IZUMO4: variants seen among roughly 807,000 people sequenced by gnomAD.
The protein encoded by IZUMO4 is IZUMO family member 4.
A neutral mutation model predicts 37.1 loss-of-function variants in IZUMO4; 51 were observed. The ratio of observed to expected loss-of-function variants is 1.38; its 90% CI spans 1.10 to 1.74. The LOEUF (loss-of-function observed/expected upper bound fraction) is 1.74, where lower values mean the gene tolerates loss of function less well. Among genes scored for constraint, IZUMO4 ranks in the 40% most tolerant of loss-of-function variants. The pLI is 0.00. For synonymous variants in IZUMO4, 162 were observed against 121.4 expected (o/e 1.33, Z -2.20); for missense variants, 364 against 299.6 (o/e 1.21, Z -1.59).
rs2017858374 is a variant in IZUMO4, at chr19:2,099,503, A to G, written c.*158A>G. ...GGGCCAGGAGGGCGGGAGGGAGGGA[A>G]TGGGGGTGGGCTGTGCGCAGCATCA... On this transcript the variant is annotated 3_prime_UTR_variant, in exon 10 of 10. Coordinates refer to ENST00000395301, the MANE Select transcript of IZUMO4 (RefSeq NM_001039846.2). 1 of 575,134 alleles carries G rather than the reference A, an allele frequency of 1.7e-6. No individual in the cohort carries two copies. The highest frequency in any genetic ancestry group is 4.8e-4 in the Middle Eastern group (1 of 2,068). 35.6% of individuals were successfully genotyped at this position (575,134 alleles called of 1,614,324 possible). A position where few individuals can be genotyped will look rare whatever the true frequency, so the allele number is the denominator to read the frequency against.
rs1213529373 is a variant in IZUMO4 at position 2,099,294 on chromosome 19, C to G, written c.648C>G (p.His216Gln). ...SPALRCLEPP[H>Q]LANLTLEDAA... ...CCTTAAGGTGTCTGGAGCCCCCACACTTGGCCAACCTGACCTTGGAAGATG... is the reference window on the plus strand; with the variant it reads ...CCTTAAGGTGTCTGGAGCCCCCACAGTTGGCCAACCTGACCTTGGAAGATG... Residue 216 changes from histidine to glutamine, a missense_variant, in exon 10 of 10, where the codon CAC becomes CAG. Coordinates refer to ENST00000395301, the MANE Select transcript of IZUMO4 (RefSeq NM_001039846.2). 1.9e-6 allele frequency: 3 copies of G among 1,613,602 alleles called. No homozygotes were observed. The highest frequency in any genetic ancestry group is 2.5e-6 in the Non-Finnish European group (3 of 1,179,956).
At chr19:2,097,632 G>T in intron 3 of IZUMO4, 137 bp downstream of exon 3, 1 of 844,400 alleles carries the variant, frequency 1.2e-6, no homozygotes. Context: ...CTCCAGGGAG[G>T]GACCCAGCCT....
chr19:2,097,189 C>T, intron 1 of IZUMO4, 27 bp downstream of exon 1: 2 of 1,605,570 alleles, frequency 1.2e-6, no homozygotes, highest in Non-Finnish European at 1.7e-6. Context: ...AGCCCAGTCC[C>T]GACTACCCCG....
At position 2,097,914 on chromosome 19, in the gene IZUMO4, C is replaced by T. The variant is rs200728789; in HGVS notation, c.371-15C>T. ...GCTGGGCCTGGTAAGATGGCGCTGTCCTGCCCTCCCACAGGCCGCATCGAC... is the reference window on the plus strand; with the variant it reads ...GCTGGGCCTGGTAAGATGGCGCTGTTCTGCCCTCCCACAGGCCGCATCGAC... On this transcript the variant is annotated splice_polypyrimidine_tract_variant and intron_variant, in intron 3 of 9. Coordinates refer to ENST00000395301, the MANE Select transcript of IZUMO4 (RefSeq NM_001039846.2). The T allele has an allele frequency of 6.2e-7, 1 of 1,612,900 alleles. No individual in the cohort carries two copies. The highest frequency in any genetic ancestry group is 2.2e-5 in the East Asian group (1 of 44,884).
chr19:2,097,358 G>GCCCCCCCACCCCCGGACAC, intron 2 of IZUMO4, 26 bp downstream of exon 2: 1 of 1,602,918 alleles, frequency 6.2e-7, no homozygotes, highest in Non-Finnish European at 8.5e-7. Flanking sequence ...CCGAGGCGGG[G>GCCCCCCCACCCCCGGACAC]CCCCCCCACC....
intron 9 of IZUMO4, 22 bp downstream of exon 9, chr19:2,099,051 G>A (rs2017823674): frequency 1.9e-6 from 3 of 1,609,964 alleles, no homozygotes; most frequent in African/African-American, 1.3e-5. Flanking sequence ...AGAGAAGGGA[G>A]GCCTCGGGAG....
rs754234916 is a variant in IZUMO4, at chr19:2,098,308, A to G, written c.495A>G (p.Ser165=). 1 of 1,613,930 alleles carries G rather than the reference A, an allele frequency of 6.2e-7. No homozygotes were observed. The highest frequency in any genetic ancestry group is 1.1e-5 in the South Asian group (1 of 91,088). The part of the protein sequence containing the change: ...YNCESSAQWK[S]AVQGLLNYIN... ...ACAGGTCCTCGGCGCAGTGGAAGTC[A>G]GCTGTCCAGGGCCTCCTGAACTACA... Residue 165 remains serine (S), a synonymous_variant, in exon 6 of 10, where the codon TCA becomes TCG. Coordinates refer to ENST00000395301, the MANE Select transcript of IZUMO4 (RefSeq NM_001039846.2).
intron 9 of IZUMO4, 36 bp from the exon 10 acceptor site, chr19:2,099,219 G>A (rs778309488): frequency 5.1e-5 from 80 of 1,575,282 alleles, no homozygotes; most frequent in East Asian, 2.5e-4. Flanking sequence ...GGGGGTGGGG[G>A]ACATGGAGAG....
At chr19:2,098,556 G>A (rs765442544) in intron 7 of IZUMO4, 106 bp downstream of exon 7, 88 of 1,607,336 alleles carry the variant, frequency 5.5e-5, no homozygotes, top group Non-Finnish European at 7.3e-5. Flanking sequence ...ACGTCCTAGA[G>A]GGGCTCCCGA....
Position 2,098,455 on chromosome 19 carries a change from G to A in IZUMO4, c.536+5G>A. On this transcript the variant is annotated splice_donor_5th_base_variant and intron_variant, in intron 7 of 9. Coordinates refer to ENST00000395301, the MANE Select transcript of IZUMO4 (RefSeq NM_001039846.2). ...TTGTAGAAATAACTGGCACAAGTAAGTCCCCTCCTCAAACCAACACAGGCA... is the reference window on the plus strand; with the variant it reads ...TTGTAGAAATAACTGGCACAAGTAAATCCCCTCCTCAAACCAACACAGGCA... The A allele has an allele frequency of 1.9e-6, 3 of 1,613,926 alleles. No homozygotes were observed. Among genetic ancestry groups the A allele is most frequent in the African/African-American group, 2.7e-5 (2 of 75,062 alleles).
chr19:2,097,343 C>T lies in IZUMO4; in HGVS notation c.298+11C>T, dbSNP rs115959237. The T allele has an allele frequency of 2.8e-4, 451 of 1,612,366 alleles. 3 individuals carry two copies. In the African/African-American group the frequency reaches 5.4e-3, roughly 19 times the overall value. On this transcript the variant is annotated intron_variant, in intron 2 of 9. Coordinates refer to ENST00000395301, the MANE Select transcript of IZUMO4 (RefSeq NM_001039846.2). ...AGATGTACTTCCCCGGTAAGGGGCG[C>T]GAAACCGAGGCGGGGCCCCCCCACC... is the stretch of plus-strand genomic sequence containing the variant.
At position 2,099,245 on chromosome 19, in the gene IZUMO4, C is replaced by G. The variant is rs770721688; in HGVS notation, c.609-10C>G. On this transcript the variant is annotated splice_polypyrimidine_tract_variant and intron_variant, in intron 9 of 9. Coordinates refer to ENST00000395301, the MANE Select transcript of IZUMO4 (RefSeq NM_001039846.2). ...ACATGGAGAGCTGAGGCAGCCTCGT[C>G]TCCCCGCAGCCTGGTATCGCCAGCC... 10 of 1,611,286 alleles carry G rather than the reference C, an allele frequency of 6.2e-6. No individual in the cohort carries two copies. The South Asian group carries it at 1.1e-4, about 18-fold the overall frequency.
intron 8 of IZUMO4, 39 bp from the exon 9 acceptor site, chr19:2,098,937 A>T (rs762467104): frequency 5.0e-6 from 8 of 1,608,638 alleles, no homozygotes; most frequent in Non-Finnish European, 6.8e-6. Context: ...GCTGGATGTC[A>T]CCTCTGCAAC....
rs2017856733 is a variant in IZUMO4 at position 2,099,481 on chromosome 19, C to T, written c.*136C>T. On this transcript the variant is annotated 3_prime_UTR_variant, in exon 10 of 10. Transcript: ENST00000395301. ...CCGGACAGAGCTGAGCTGGCCAGGG[C>T]CAGGAGGGCGGGAGGGAGGGAATGG... The T allele has an allele frequency of 4.9e-6, 3 of 618,154 alleles. No individual in the cohort carries two copies. Among genetic ancestry groups the T allele is most frequent in the Non-Finnish European group, 5.8e-6 (2 of 341,974 alleles). The allele number at this position is 618,154 out of a possible 1,614,324, so 38.3% of individuals were successfully genotyped here. A position where few individuals can be genotyped will look rare whatever the true frequency, so the allele number is the denominator to read the frequency against.
rs1323184213 is a variant in IZUMO4, at chr19:2,097,486, A to G, written c.361A>G (p.Ile121Val). 3.7e-6 allele frequency: 6 copies of G among 1,612,302 alleles called. No homozygotes were observed. The Admixed American group carries it at 8.3e-5, about 22-fold the overall frequency. ...GCAGGTGCACCTCATCCAGAACGCC[A>G]TCATCGAAAGTGAGCAAATAAGGCT... ...REQVHLIQNA[I>V]IESRIDCQHR... The change falls in exon 3 of 10, where the codon ATC becomes GTC. Residue 121 changes from isoleucine to valine, a missense_variant. Ile to Val is a conservative substitution (Grantham distance 29, BLOSUM62 3). Coordinates refer to ENST00000395301, the MANE Select transcript of IZUMO4 (RefSeq NM_001039846.2).
Position 2,097,325 on chromosome 19 carries a change from C to G in IZUMO4, c.291C>G (p.Tyr97Ter), listed in dbSNP as rs2017730160. The change falls in exon 2 of 10, where the codon TAC becomes TAG. Residue 97 changes from tyrosine (Y) to a stop codon, truncating the protein, a stop_gained. Coordinates refer to ENST00000395301, the MANE Select transcript of IZUMO4 (RefSeq NM_001039846.2). LOFTEE classifies it high-confidence loss of function. ...MMDQLYQGKM[Y>*]FPGYFPNELR... is the part of the protein sequence containing the mutation. Reference sequence around the variant, plus strand: ...ATCAGCTGTACCAGGGGAAGATGTACTTCCCCGGTAAGGGGCGCGAAACCG... The same window carrying G: ...ATCAGCTGTACCAGGGGAAGATGTAGTTCCCCGGTAAGGGGCGCGAAACCG... The G allele has an allele frequency of 6.2e-7, 1 of 1,612,762 alleles. No homozygotes were observed. The highest frequency in any genetic ancestry group is 1.1e-5 in the South Asian group (1 of 91,078).
chr19:2,099,314 A>C lies in IZUMO4; in HGVS notation c.668A>C (p.Glu223Ala). The change falls in exon 10 of 10, where the codon GAA becomes GCA. Residue 223 changes from glutamate to alanine, a missense_variant. Coordinates refer to ENST00000395301, the MANE Select transcript of IZUMO4 (RefSeq NM_001039846.2). The part of the protein sequence containing the change: ...EPPHLANLTL[E>A]DAAECLKQH ...CCACACTTGGCCAACCTGACCTTGGAAGATGCTGCTGAGTGTCTCAAGCAG... is the reference window on the plus strand; with the variant it reads ...CCACACTTGGCCAACCTGACCTTGGCAGATGCTGCTGAGTGTCTCAAGCAG... 2 of 1,613,442 alleles carry C rather than the reference A, an allele frequency of 1.2e-6. No homozygotes were observed. The highest frequency in any genetic ancestry group is 1.7e-6 in the Non-Finnish European group (2 of 1,179,940).
intron 3 of IZUMO4, 200 bp from the exon 4 acceptor site, chr19:2,097,729 C>A: frequency 1.4e-6 from 1 of 717,260 alleles, no homozygotes; most frequent in Non-Finnish European, 2.3e-6. Context: ...ACCGCCCTCC[C>A]CTGAAGTTTG....
Position 2,099,506 on chromosome 19 carries a change from G to A in IZUMO4, c.*161G>A. On this transcript the variant is annotated 3_prime_UTR_variant, in exon 10 of 10. Coordinates refer to ENST00000395301, the MANE Select transcript of IZUMO4 (RefSeq NM_001039846.2). ...CCAGGAGGGCGGGAGGGAGGGAATG[G>A]GGGTGGGCTGTGCGCAGCATCAGCG... 1 of 603,970 alleles carries A rather than the reference G, an allele frequency of 1.7e-6. No homozygotes were observed. Among genetic ancestry groups the A allele is most frequent in the South Asian group, 1.8e-5 (1 of 54,318 alleles). 37.4% of individuals were successfully genotyped at this position (603,970 alleles called of 1,614,324 possible). A position where few individuals can be genotyped will look rare whatever the true frequency, so the allele number is the denominator to read the frequency against.
Sources: gnomAD v4.1 joint callset for allele counts on GRCh38, gnomAD v4.1.1 for gene constraint, MANE v1.5 for transcripts, NCBI Gene and HGNC (gene_info 2026-07-23, HGNC 2026-07-21) for gene names.